USP48: variants seen among roughly 807,000 people sequenced by gnomAD.
USP48 encodes ubiquitin carboxyl-terminal hydrolase 48.
In USP48, 43 loss-of-function variants were observed where a neutral mutation model predicts 150.7. That is an observed-to-expected ratio of 0.29 (90% CI 0.22 to 0.37). The LOEUF is 0.37. Among genes scored for constraint, USP48 ranks in the 10% least tolerant of loss-of-function variants. The pLI is 1.00. For missense variants in USP48, 813 were observed against 1,249.6 expected (o/e 0.65, Z 5.27); for synonymous variants, 396 against 425.9 (o/e 0.93, Z 0.86).
At chr1:21,721,263 A>G (rs2097720122) in intron 13 of USP48, 97 bp from the exon 14 acceptor site, 12 of 1,478,454 alleles carry the variant, frequency 8.1e-6, no homozygotes, top group Non-Finnish European at 1.1e-5. Flanking sequence ...AATTACAAAC[A>G]CTCAACATCA....
chr1:21,694,693 A>C (rs111559178), intron 23 of USP48, among the ~76,000 whole-genome samples: 9 of 151,756 alleles, frequency 5.9e-5, no homozygotes, highest in African/African-American at 2.2e-4. Context: ...CGCTAATAAT[A>C]AGCTGCCTTT....
chr1:21,720,022 T>C (rs907174107), intron 14 of USP48, among the ~76,000 whole-genome samples: 5 of 152,254 alleles, frequency 3.3e-5, no homozygotes, highest in Non-Finnish European at 5.9e-5. Context: ...CCTTGACATC[T>C]TATGAACCAC....
At chr1:21,690,271 CTA>C (rs2097593949) in intron 23 of USP48, among the ~76,000 whole-genome samples, 172 bp from the exon 24 acceptor site, 1 of 151,804 alleles carries the variant, frequency 6.6e-6, no homozygotes, top group African/African-American at 2.4e-5. Context: ...GCTATCGTCC[CTA>C]TATATCCGGG....
intron 23 of USP48, among the ~76,000 whole-genome samples, chr1:21,694,657 A>T (rs541575993): frequency 6.8e-6 from 1 of 147,552 alleles, no homozygotes; most frequent in Non-Finnish European, 1.5e-5. Context: ...ATACTGTGAC[A>T]GCCTAGTGAA....
At chr1:21,702,232 T>G (rs2097659136) in intron 21 of USP48, among the ~76,000 whole-genome samples, 1 of 152,148 alleles carries the variant, frequency 6.6e-6, no homozygotes, top group Admixed American at 6.5e-5. Flanking sequence ...GCAGAACCCT[T>G]GGCCTCCAGG....
At chr1:21,701,365 CAAAAAAAAAAA>C in intron 22 of USP48, 122 bp downstream of exon 22, 1 of 408,884 alleles carries the variant, frequency 2.4e-6, no homozygotes. Context: ...GACTCCATCT[CAAAAAAAAAAA>C]AAAAAGAAAA....
intron 1 of USP48, among the ~76,000 whole-genome samples, chr1:21,759,183 A>C (rs1483534629): frequency 5.7e-5 from 1 of 17,516 alleles, no homozygotes; most frequent in East Asian, 2.3e-3. Flanking sequence ...CACGGTCTCA[A>C]AAAAAAAAAA....
At chr1:21,683,771 C>A (rs939367123) in intron 25 of USP48, among the ~76,000 whole-genome samples, 2 of 152,112 alleles carry the variant, frequency 1.3e-5, no homozygotes, top group African/African-American at 4.8e-5. Context: ...ATGTTTGTAC[C>A]CATTAACCAA....
At chr1:21,701,987 C>T (rs2097658335) in intron 21 of USP48, among the ~76,000 whole-genome samples, 1 of 152,188 alleles carries the variant, frequency 6.6e-6, no homozygotes, top group Non-Finnish European at 1.5e-5. Flanking sequence ...GCAGGAGTTA[C>T]ATGCTCTTTA....
chr1:21,756,784 G>C (rs2152604453), intron 2 of USP48, 82 bp from the exon 3 acceptor site: 1 of 1,557,588 alleles, frequency 6.4e-7, no homozygotes, highest in Middle Eastern at 1.9e-4. Flanking sequence ...TAAATTTTCA[G>C]ATTAAAAATG....
chr1:21,744,149 A>G (rs1029627232), intron 8 of USP48, among the ~76,000 whole-genome samples: 2 of 152,264 alleles, frequency 1.3e-5, no homozygotes, highest in African/African-American at 4.8e-5. Context: ...GAACTAATCA[A>G]TTTTAAAATT....
intron 14 of USP48, among the ~76,000 whole-genome samples, chr1:21,718,684 A>C (rs2152539654): frequency 6.6e-6 from 1 of 151,840 alleles, no homozygotes; most frequent in Non-Finnish European, 1.5e-5. Context: ...CAGCCTCCTG[A>C]GTAGCTGGGA....
At position 21,728,561 on chromosome 1, in the gene USP48, C is replaced by G. The variant is rs1220405990; in HGVS notation, c.1450+9G>C. On this transcript the variant is annotated intron_variant, in intron 11 of 26. Coordinates refer to ENST00000308271, the MANE Select transcript of USP48 (RefSeq NM_032236.8). ...TGGCAACAGTGCTGTCCCAGAATAT[C>G]TTACAGACCAGCTCCAGCAGGTAAC... The G allele has an allele frequency of 1.2e-6, 2 of 1,612,586 alleles. No individual in the cohort carries two copies. The highest frequency in any genetic ancestry group is 2.7e-5 in the African/African-American group (2 of 74,862).
At chr1:21,767,075 A>C (rs530715586) in intron 1 of USP48, among the ~76,000 whole-genome samples, 9 of 152,152 alleles carry the variant, frequency 5.9e-5, no homozygotes, top group Middle Eastern at 3.4e-3. Flanking sequence ...AAAAAACAAA[A>C]AACAAGAACA....
intron 21 of USP48, among the ~76,000 whole-genome samples, 190 bp from the exon 22 acceptor site, chr1:21,701,792 T>C (rs2097657784): frequency 6.6e-6 from 1 of 152,204 alleles, no homozygotes; most frequent in South Asian, 2.1e-4. Context: ...CATGTTAGTT[T>C]TTTACCCTAT....
chr1:21,730,281 A>G (rs1050207463), intron 9 of USP48, among the ~76,000 whole-genome samples: 1 of 152,008 alleles, frequency 6.6e-6, no homozygotes. Flanking sequence ...TGTCTCTACT[A>G]ATAATACAAA....
Position 21,680,840 on chromosome 1 carries a change from A to G in USP48, c.3059-6T>C, listed in dbSNP as rs1294722297. On this transcript the variant is annotated splice_region_variant and splice_polypyrimidine_tract_variant and intron_variant, in intron 25 of 26. Transcript: ENST00000308271. ...CCCTTCTTCTGGCATACAAACTGAA[A>G]AAAAGAAAAAAAGAAGAATTCCAAA... 1 of 1,585,274 alleles carries G rather than the reference A, an allele frequency of 6.3e-7. No homozygotes were observed.
intron 1 of USP48, among the ~76,000 whole-genome samples, chr1:21,778,481 T>C (rs1300536424): frequency 6.6e-6 from 1 of 151,014 alleles, no homozygotes; most frequent in Non-Finnish European, 1.5e-5. Flanking sequence ...CCTCAAAATA[T>C]TAAACACAGA....
At chr1:21,708,060 G>A (rs1162880419) in intron 15 of USP48, among the ~76,000 whole-genome samples, 1 of 152,208 alleles carries the variant, frequency 6.6e-6, no homozygotes, top group East Asian at 1.9e-4. Flanking sequence ...TACTCCAGAG[G>A]CTGAGGCAAG....
Sources: allele counts gnomAD v4.1 joint callset (sites outside exome capture counted in the v4.1 genomes callset), GRCh38; gene constraint gnomAD v4.1.1; transcripts MANE v1.5; gene names NCBI Gene and HGNC (gene_info 2026-07-23, HGNC 2026-07-21).